PLCB1: variants seen among roughly 807,000 people sequenced by gnomAD.
PLCB1 encodes the protein phospholipase C beta 1.
In PLCB1, 46 loss-of-function variants were observed where a neutral mutation model predicts 161.8. The observed-to-expected ratio is 0.28, with a 90% CI of 0.22 to 0.36. PLCB1 has a LOEUF of 0.36. PLCB1 is among the 10% of genes least tolerant of loss of function. The probability of loss-of-function intolerance (pLI) is 1.00; values close to 1 mark genes in which losing one functional copy is unlikely to be tolerated. For missense variants in PLCB1, 1,016 were observed against 1,472.5 expected (o/e 0.69, Z 5.07); for synonymous variants, 517 against 503.7 (o/e 1.03, Z -0.35).
chr20:8,446,769 G>A (rs1458837235), intron 3 of PLCB1, among the ~76,000 whole-genome samples: 1 of 152,114 alleles, frequency 6.6e-6, no homozygotes. Flanking sequence ...GTACTACTCA[G>A]ATTAGTAGCT....
chr20:8,794,487 C>G (rs1983920416), intron 31 of PLCB1, among the ~76,000 whole-genome samples: 1 of 152,144 alleles, frequency 6.6e-6, no homozygotes, highest in African/African-American at 2.4e-5. Context: ...AGTTTTTTAA[C>G]TAGAAAGTGA....
chr20:8,427,245 TAATG>T (rs1335330788), intron 3 of PLCB1, among the ~76,000 whole-genome samples: 3 of 152,184 alleles, frequency 2.0e-5, no homozygotes, highest in African/African-American at 7.2e-5. Flanking sequence ...GGTTTTATAA[TAATG>T]AAGAATAGAA....
intron 3 of PLCB1, among the ~76,000 whole-genome samples, chr20:8,474,790 A>G (rs944577386): frequency 3.3e-5 from 5 of 152,150 alleles, no homozygotes; most frequent in Admixed American, 6.5e-5. Flanking sequence ...GGGGAAGTAC[A>G]TTGCCCATTA....
At chr20:8,298,593 T>A (rs1360550291) in intron 2 of PLCB1, among the ~76,000 whole-genome samples, 1 of 143,808 alleles carries the variant, frequency 7.0e-6, no homozygotes. Context: ...GAATTGGGGC[T>A]TTTTTTTTTT....
intron 15 of PLCB1, among the ~76,000 whole-genome samples, chr20:8,723,352 C>T (rs373917714): frequency 1.8e-4 from 27 of 152,090 alleles, no homozygotes; most frequent in Non-Finnish European, 3.7e-4. Context: ...TTGGATAGTC[C>T]ATTTGCAAAT....
intron 25 of PLCB1, among the ~76,000 whole-genome samples, chr20:8,761,266 G>A (rs1304806047): frequency 6.6e-6 from 1 of 152,166 alleles, no homozygotes; most frequent in Non-Finnish European, 1.5e-5. Context: ...AATCTGTGCT[G>A]TAGAAACCTG....
At chr20:8,677,392 C>T (rs1380692951) in intron 9 of PLCB1, among the ~76,000 whole-genome samples, 4 of 151,926 alleles carry the variant, frequency 2.6e-5, no homozygotes, top group Non-Finnish European at 4.4e-5. Flanking sequence ...GCAACAAGAG[C>T]GAAACTCAGT....
At chr20:8,439,868 T>G (rs1190874413) in intron 3 of PLCB1, among the ~76,000 whole-genome samples, 1 of 152,176 alleles carries the variant, frequency 6.6e-6, no homozygotes, top group African/African-American at 2.4e-5. Flanking sequence ...AAGCTTTCTT[T>G]GACTAAGTCA....
chr20:8,609,168 G>A (rs1377541785), intron 3 of PLCB1, among the ~76,000 whole-genome samples: 1 of 152,286 alleles, frequency 6.6e-6, no homozygotes, highest in South Asian at 2.1e-4. Flanking sequence ...TTGGAAATGA[G>A]GCTACAGATT....
At chr20:8,634,732 G>A (rs1203031845) in intron 4 of PLCB1, among the ~76,000 whole-genome samples, 1 of 152,066 alleles carries the variant, frequency 6.6e-6, no homozygotes, top group Non-Finnish European at 1.5e-5. Flanking sequence ...TGCATTTAGT[G>A]AACAAACATT....
At chr20:8,417,117 C>T (rs200173152) in intron 3 of PLCB1, among the ~76,000 whole-genome samples, 2 of 100,060 alleles carry the variant, frequency 2.0e-5, no homozygotes, top group Admixed American at 3.1e-4. Context: ...GATGGAGTCT[C>T]ACTCTGTCGC....
intron 2 of PLCB1, among the ~76,000 whole-genome samples, chr20:8,176,248 C>T (rs1309069569): frequency 6.6e-6 from 1 of 152,124 alleles, no homozygotes; most frequent in Admixed American, 6.5e-5. Context: ...GACCAGATGC[C>T]TTCAGTGAGC....
intron 3 of PLCB1, among the ~76,000 whole-genome samples, chr20:8,539,193 C>T (rs1196833970): frequency 1.3e-5 from 2 of 152,148 alleles, no homozygotes; most frequent in Non-Finnish European, 2.9e-5. Flanking sequence ...ATAAATGGAA[C>T]TTAGGATTAA....
At chr20:8,636,778 A>C (rs1034288573) in intron 4 of PLCB1, among the ~76,000 whole-genome samples, 39 of 152,318 alleles carry the variant, frequency 2.6e-4, no homozygotes, top group African/African-American at 9.4e-4. Context: ...GGAAAATGTC[A>C]ACGCTGAGAC....
rs549272620 is a variant in PLCB1, at chr20:8,875,432, AAATATT to A, written c.3424-6184_3424-6179del. On this transcript the variant is annotated intron_variant, in intron 31 of 31. Transcript: ENST00000338037. ...GTAGTATATATAATATACATAATAT[AAATATT>A]AATATATGTAATACATTATATTAAT... 2.3e-3 allele frequency among the ~76,000 whole-genome samples: 333 copies of A among 147,612 alleles called. 1 individual carries two copies. The highest frequency in any genetic ancestry group is 7.2e-3 in the Middle Eastern group (2 of 278).
At chr20:8,427,480 A>G (rs1371198093) in intron 3 of PLCB1, among the ~76,000 whole-genome samples, 4 of 152,152 alleles carry the variant, frequency 2.6e-5, no homozygotes, top group Non-Finnish European at 4.4e-5. Context: ...CTGGTGAGGG[A>G]AATATTTTAA....
At chr20:8,562,964 G>A (rs1164644006) in intron 3 of PLCB1, among the ~76,000 whole-genome samples, 2 of 152,006 alleles carry the variant, frequency 1.3e-5, no homozygotes, top group African/African-American at 4.8e-5. Context: ...TGACCATGGT[G>A]TAGGCCATTA....
At chr20:8,204,336 G>T (rs1200664633) in intron 2 of PLCB1, among the ~76,000 whole-genome samples, 6 of 152,114 alleles carry the variant, frequency 3.9e-5, no homozygotes, top group Admixed American at 3.9e-4. Flanking sequence ...AATGTTAGTG[G>T]TGTGATCATT....
chr20:8,671,263 G>C (rs1989935590), intron 9 of PLCB1, among the ~76,000 whole-genome samples: 1 of 152,132 alleles, frequency 6.6e-6, no homozygotes, highest in African/African-American at 2.4e-5. Flanking sequence ...GATGTTATTT[G>C]CATGTGTTTA....
Sources: allele counts gnomAD v4.1 joint callset (sites outside exome capture counted in the v4.1 genomes callset), GRCh38; gene constraint gnomAD v4.1.1; transcripts MANE v1.5; gene names NCBI Gene and HGNC (gene_info 2026-07-23, HGNC 2026-07-21).